Variants in GNAS-AS1 observed in about 807,000 individuals in gnomAD.
GNAS-AS1 encodes GNAS antisense RNA 1.
chr20:58,836,716 T>C (rs755468789), intron 4 of GNAS-AS1, among the ~76,000 whole-genome samples: 37 of 152,362 alleles, frequency 2.4e-4, no homozygotes, highest in Non-Finnish European at 3.5e-4. Context: ...GAGCATCTGC[T>C]GTACGGCTCC....
intron 2 of GNAS-AS1, among the ~76,000 whole-genome samples, chr20:58,847,837 G>T (rs2085994600): frequency 6.6e-6 from 1 of 152,190 alleles, no homozygotes; most frequent in Non-Finnish European, 1.5e-5. Context: ...ACCTAAACTT[G>T]AGATATGCCT....
chr20:58,830,632 C>CACCACAAT, intron 4 of GNAS-AS1, among the ~76,000 whole-genome samples: 1 of 132,336 alleles, frequency 7.6e-6, no homozygotes, highest in Non-Finnish European at 1.7e-5. Flanking sequence ...ATCACCACCA[C>CACCACAAT]CGCCACACCA....
At chr20:58,830,504 C>A (rs1160141120) in intron 4 of GNAS-AS1, among the ~76,000 whole-genome samples, 2 of 89,248 alleles carry the variant, frequency 2.2e-5, no homozygotes, top group Non-Finnish European at 4.4e-5. Flanking sequence ...CACCACCACA[C>A]CACCATCATC....
At chr20:58,830,481 CCAT>C (rs1283494589) in intron 4 of GNAS-AS1, among the ~76,000 whole-genome samples, 4 of 69,110 alleles carry the variant, frequency 5.8e-5, no homozygotes, top group East Asian at 5.7e-4. Context: ...ACCATCATCA[CCAT>C]CACCACCATC....
chr20:58,828,400 G>A (rs1211796038), intron 4 of GNAS-AS1, among the ~76,000 whole-genome samples: 2 of 152,212 alleles, frequency 1.3e-5, no homozygotes, highest in South Asian at 2.1e-4. Flanking sequence ...TGAGCCCTTG[G>A]CTCATGTTCC....
At chr20:58,826,022 TA>T in intron 4 of GNAS-AS1, 1 of 398,598 alleles carries the variant, frequency 2.5e-6, no homozygotes, top group East Asian at 3.6e-5. Flanking sequence ...CTCTTTTGCT[TA>T]CCTTTAGACG....
intron 2 of GNAS-AS1, among the ~76,000 whole-genome samples, chr20:58,847,985 A>T (rs2086000480): frequency 6.6e-6 from 1 of 152,230 alleles, no homozygotes; most frequent in Non-Finnish European, 1.5e-5. Flanking sequence ...GCTTCCAAGG[A>T]ACGGGGCTGT....
intron 4 of GNAS-AS1, among the ~76,000 whole-genome samples, chr20:58,819,822 T>A (rs2145448272): frequency 6.6e-6 from 1 of 152,194 alleles, no homozygotes; most frequent in South Asian, 2.1e-4. Context: ...CTACCTCTGG[T>A]CCCAACCTTT....
rs752818515 is a variant in GNAS-AS1 at position 58,840,202 on chromosome 20, C to T, written n.819+1735G>A. 9 of 1,611,356 alleles carry T rather than the reference C, an allele frequency of 5.6e-6. No homozygotes were observed. The South Asian group carries it at 8.8e-5, about 16-fold the overall frequency. On this transcript the variant is annotated intron_variant and non_coding_transcript_variant, in intron 4 of 4. Transcript: ENST00000424094. This position sits in a 1 kb window ranked among gnomAD's most constrained non-coding sequence, Gnocchi z 6.0. ...TAGGCCGCCGGGCAGCCACCGCGCT[C>T]CTCTGGCTCTCCTGCTCCATCGCGC...
chr20:58,828,379 G>A (rs1038929662), intron 4 of GNAS-AS1, among the ~76,000 whole-genome samples: 1 of 152,216 alleles, frequency 6.6e-6, no homozygotes, highest in Non-Finnish European at 1.5e-5. Context: ...GATATCAAGG[G>A]GGCTGACATC....
intron 2 of GNAS-AS1, among the ~76,000 whole-genome samples, chr20:58,843,648 G>A (rs1006473431): frequency 1.3e-5 from 2 of 152,258 alleles, no homozygotes; most frequent in African/African-American, 4.8e-5. Flanking sequence ...AATGGAGGGT[G>A]AGGGAGGAGG....
chr20:58,835,464 T>C (rs1053896414), intron 4 of GNAS-AS1, among the ~76,000 whole-genome samples: 26 of 152,096 alleles, frequency 1.7e-4, no homozygotes, highest in African/African-American at 6.3e-4. Flanking sequence ...TAGAAACAAG[T>C]GGATTGAAAG....
Position 58,840,299 on chromosome 20 carries a change from C to T in GNAS-AS1, n.819+1638G>A. On this transcript the variant is annotated intron_variant and non_coding_transcript_variant, in intron 4 of 4. Transcript: ENST00000424094. The surrounding 1 kb of genome is among the most constrained non-coding windows in gnomAD (Gnocchi z 6.0). Reference sequence around the variant, plus strand: ...GGCTGCCCAACAGCGCCGGAGCTTCCTTAACGCCCACCACCGCTCCGGCGC... The same window carrying T: ...GGCTGCCCAACAGCGCCGGAGCTTCTTTAACGCCCACCACCGCTCCGGCGC... The T allele has an allele frequency of 6.2e-7, 1 of 1,612,714 alleles. No homozygotes were observed. Among genetic ancestry groups the T allele is most frequent in the Non-Finnish European group, 8.5e-7 (1 of 1,179,956 alleles).
intron 4 of GNAS-AS1, among the ~76,000 whole-genome samples, chr20:58,835,378 C>A (rs1479898395): frequency 6.6e-6 from 1 of 152,116 alleles, no homozygotes; most frequent in Non-Finnish European, 1.5e-5. Context: ...AGCCTGCAAG[C>A]CTTCTGAGAA....
At chr20:58,823,340 T>C (rs2085498311) in intron 4 of GNAS-AS1, among the ~76,000 whole-genome samples, 1 of 152,220 alleles carries the variant, frequency 6.6e-6, no homozygotes, top group South Asian at 2.1e-4. Flanking sequence ...ATTCCAATCA[T>C]GCCATTCTTA....
intron 4 of GNAS-AS1, among the ~76,000 whole-genome samples, chr20:58,819,962 C>T (rs2085474932): frequency 6.6e-6 from 1 of 152,218 alleles, no homozygotes; most frequent in Admixed American, 6.5e-5. Context: ...CCCAGGTGAC[C>T]CTCCCAGAAA....
chr20:58,838,850 G>T, intron 4 of GNAS-AS1: 1 of 389,264 alleles, frequency 2.6e-6, no homozygotes, highest in Non-Finnish European at 4.5e-6. Flanking sequence ...CCAGGAGGCA[G>T]AGGTTGCAGT....
At chr20:58,846,030 G>A (rs2085927471) in intron 2 of GNAS-AS1, among the ~76,000 whole-genome samples, 1 of 152,194 alleles carries the variant, frequency 6.6e-6, no homozygotes, top group African/African-American at 2.4e-5. Flanking sequence ...CCAGGCAGCA[G>A]GGACAGAGGG....
intron 4 of GNAS-AS1, chr20:58,839,034 A>G (rs1277295605): frequency 2.5e-6 from 1 of 397,654 alleles, no homozygotes; most frequent in Non-Finnish European, 4.4e-6. Flanking sequence ...GTGAACTGAG[A>G]GCGCAGGAAA....
Sources: allele counts gnomAD v4.1 joint callset (sites outside exome capture counted in the v4.1 genomes callset), GRCh38; gene constraint gnomAD v4.1.1; non-coding constraint Gnocchi (gnomAD v3.1); transcripts MANE v1.5; gene names NCBI Gene and HGNC (gene_info 2026-07-23, HGNC 2026-07-21).